The following PLAA variants were observed in gnomAD, a reference collection of about 807,000 sequenced individuals.
PLAA encodes phospholipase A-2-activating protein.
A neutral mutation model predicts 84.1 loss-of-function variants in PLAA; 48 were observed. The ratio of observed to expected loss-of-function variants is 0.57; its 90% CI spans 0.45 to 0.73. The LOEUF is 0.73. Among genes scored for constraint, PLAA ranks in the 30% least tolerant of loss-of-function variants. The pLI is 0.00. For missense variants in PLAA, 903 were observed against 954.7 expected (o/e 0.95, Z 0.71); for synonymous variants, 392 against 336.6 (o/e 1.16, Z -1.80).
intron 7 of PLAA, among the ~76,000 whole-genome samples, chr9:26,920,938 A>G (rs1824739160): frequency 6.6e-6 from 1 of 152,074 alleles, no homozygotes; most frequent in South Asian, 2.1e-4. Flanking sequence ...GACAGTGTAT[A>G]TTCCACCCAG....
intron 2 of PLAA, among the ~76,000 whole-genome samples, chr9:26,931,945 G>C (rs1444968712): frequency 6.6e-6 from 1 of 152,128 alleles, no homozygotes; most frequent in African/African-American, 2.4e-5. Context: ...AACTTAGCTG[G>C]GCGTGGTGGT....
intron 1 of PLAA, among the ~76,000 whole-genome samples, chr9:26,941,220 C>G (rs1451966472): frequency 6.6e-6 from 1 of 151,116 alleles, no homozygotes; most frequent in Non-Finnish European, 1.5e-5. Context: ...ACAACCCAGC[C>G]AGACAACTGT....
intron 11 of PLAA, among the ~76,000 whole-genome samples, chr9:26,911,277 A>G (rs1336030780): frequency 6.6e-6 from 1 of 152,030 alleles, no homozygotes; most frequent in Non-Finnish European, 1.5e-5. Flanking sequence ...CTCAGCCTCC[A>G]GAATAGTTGG....
chr9:26,916,648 A>G (rs1824571624), intron 10 of PLAA: 2 of 989,762 alleles, frequency 2.0e-6, no homozygotes, highest in Non-Finnish European at 2.4e-6. Flanking sequence ...CGTGATTGGT[A>G]GCATCTCGCC....
In PLAA at chr9:26,906,026, T is replaced by C. The variant is rs761377884; in HGVS notation, c.1873A>G (p.Ser625Gly). The C allele has an allele frequency of 3.1e-6, 5 of 1,600,994 alleles. No homozygotes were observed. The South Asian group carries it at 5.6e-5, about 18-fold the overall frequency. The change falls in exon 14 of 14, where the codon AGT becomes GGT. Residue 625 changes from serine (S) to glycine (G), a missense_variant. By Grantham distance (56) the Ser-to-Gly change is moderately conservative. Coordinates refer to ENST00000397292, the MANE Select transcript of PLAA (RefSeq NM_001031689.3). ...TCATTGCAGAAGTTCTCATTCACAC[T>C]GGGGTGTTTAATTGACAACCGAAGA... ...DILRLSIKHP[S>G]VNENFCNEKE...
intron 1 of PLAA, among the ~76,000 whole-genome samples, chr9:26,937,968 G>A (rs138498962): frequency 9.1e-4 from 139 of 152,136 alleles, no homozygotes; most frequent in African/African-American, 3.2e-3. Context: ...GGGAAAGGGA[G>A]CAGAGAGAAT....
chr9:26,908,059 A>C (rs1587147346), intron 12 of PLAA, 61 bp from the exon 13 acceptor site: 3 of 1,278,320 alleles, frequency 2.3e-6, no homozygotes, highest in Non-Finnish European at 2.2e-6. Context: ...TAATATATAA[A>C]TGCCAAGACT....
At chr9:26,922,734 T>C (rs1563911844) in intron 7 of PLAA, among the ~76,000 whole-genome samples, 1 of 151,660 alleles carries the variant, frequency 6.6e-6, no homozygotes, top group Non-Finnish European at 1.5e-5. Context: ...TGGTGTGGTG[T>C]CGGCTCACCG....
rs1300804889 is a variant in PLAA at position 26,913,883 on chromosome 9, A to T, written c.1551T>A (p.Phe517Leu). The change falls in exon 11 of 14, where the codon TTT becomes TTA. Residue 517 changes from phenylalanine to leucine, a missense_variant. Physicochemically the swap from Phe to Leu is conservative, Grantham distance 22. Coordinates refer to ENST00000397292, the MANE Select transcript of PLAA (RefSeq NM_001031689.3). The stretch of plus-strand genomic sequence containing the variant: ...AAAGAAATAAAAAGTATGTACCTGT[A>T]AATGGATCAACTCCGGCCATGGTAG... ...MGTTMAGVDP[F>L]TGNSAYRSAA... is the part of the protein sequence containing the mutation. 1 of 1,605,762 alleles carries T rather than the reference A, an allele frequency of 6.2e-7. No homozygotes were observed. Among genetic ancestry groups the T allele is most frequent in the Non-Finnish European group, 8.5e-7 (1 of 1,173,092 alleles).
At chr9:26,923,495 G>A in intron 6 of PLAA, 148 bp from the exon 7 acceptor site, 2 of 577,814 alleles carry the variant, frequency 3.5e-6, no homozygotes, top group Non-Finnish European at 6.0e-6. Context: ...GCACTGTGCT[G>A]ACTTCAGCAC....
rs1338093667 is a variant in PLAA, at chr9:26,910,525, T to A, written c.1556-86A>T. 3 of 959,712 alleles carry A rather than the reference T, an allele frequency of 3.1e-6. No homozygotes were observed. In the African/African-American group the frequency reaches 4.9e-5, roughly 16 times the overall value. 59.4% of individuals were successfully genotyped at this position (959,712 alleles called of 1,614,324 possible). On this transcript the variant is annotated intron_variant, in intron 11 of 13. Transcript: ENST00000397292. ...AACTATATGACTTAGTTTTCACAAT[T>A]ATTGAGATATGCAACTATTCAGTGC...
At chr9:26,919,964 C>T (rs982800610) in intron 8 of PLAA, among the ~76,000 whole-genome samples, 11 of 152,244 alleles carry the variant, frequency 7.2e-5, no homozygotes, top group Admixed American at 6.5e-4. Context: ...AGCTCCCAAT[C>T]CAAAATGGCT....
chr9:26,924,099 A>G (rs1453439044), intron 6 of PLAA, among the ~76,000 whole-genome samples: 1 of 151,980 alleles, frequency 6.6e-6, no homozygotes, highest in Non-Finnish European at 1.5e-5. Flanking sequence ...ACTTTATTAG[A>G]CCCTCTATCC....
In PLAA at chr9:26,923,061, T is replaced by C; in HGVS notation, c.1039+117A>G. ...TGATTATATGTAATAGTAAAAATCC[T>C]CAAAAATCAGCATCTAGCAATGAAA... is the stretch of plus-strand genomic sequence containing the variant. On this transcript the variant is annotated intron_variant, in intron 7 of 13. Transcript: ENST00000397292. 2 of 723,108 alleles carry C rather than the reference T, an allele frequency of 2.8e-6. 1 individual carries two copies. Among genetic ancestry groups the C allele is most frequent in the Admixed American group, 5.5e-5 (2 of 36,564 alleles). 44.8% of individuals were successfully genotyped at this position (723,108 alleles called of 1,614,324 possible).
chr9:26,924,371 C>G (rs1051915196), intron 6 of PLAA, among the ~76,000 whole-genome samples: 1 of 152,062 alleles, frequency 6.6e-6, no homozygotes, highest in Admixed American at 6.6e-5. Flanking sequence ...TGAGCTCAAG[C>G]GATCCTCCCA....
At position 26,904,057 on chromosome 9, in the gene PLAA, A is replaced by G. The variant is rs561200294; in HGVS notation, c.*1454T>C. On this transcript the variant is annotated 3_prime_UTR_variant, in exon 14 of 14. Coordinates refer to ENST00000397292, the MANE Select transcript of PLAA (RefSeq NM_001031689.3). ...GTACTCAACTGAGCCAGTGAACAGA[A>G]TATTTAGTCCAGGTACACACCAGGT... is the stretch of plus-strand genomic sequence containing the variant. The G allele has an allele frequency of 1.3e-5, 2 of 153,692 alleles. No individual in the cohort carries two copies. The highest frequency in any genetic ancestry group is 4.8e-5 in the African/African-American group (2 of 41,588). The allele number at this position is 153,692 out of a possible 1,614,324, so 9.5% of individuals were successfully genotyped here.
At chr9:26,910,209 T>C in intron 12 of PLAA, 129 bp downstream of exon 12, 1 of 620,826 alleles carries the variant, frequency 1.6e-6, no homozygotes. Context: ...CACAGTTGTT[T>C]AATACTGCAA....
intron 1 of PLAA, among the ~76,000 whole-genome samples, chr9:26,941,926 T>C (rs1311502562): frequency 6.6e-6 from 1 of 151,774 alleles, no homozygotes; most frequent in African/African-American, 2.4e-5. Context: ...GGCCCGCCAA[T>C]GGCCTGGAAC....
intron 1 of PLAA, among the ~76,000 whole-genome samples, chr9:26,940,444 C>A (rs576569916): frequency 2.0e-5 from 3 of 152,160 alleles, no homozygotes; most frequent in Non-Finnish European, 4.4e-5. Context: ...GAACTTAGAG[C>A]TGTCAAAATC....
Sources: allele counts gnomAD v4.1 joint callset (sites outside exome capture counted in the v4.1 genomes callset), GRCh38; gene constraint gnomAD v4.1.1; transcripts MANE v1.5; gene names NCBI Gene and HGNC (gene_info 2026-07-23, HGNC 2026-07-21).